The following GNA12 variants were observed in gnomAD, a reference collection of about 807,000 sequenced individuals.
GNA12 encodes the protein G protein subunit alpha 12, also known as guanine nucleotide-binding protein subunit alpha-12.
A neutral mutation model predicts 26.0 loss-of-function variants in GNA12; 9 were observed. That is an observed-to-expected ratio of 0.35 (90% CI 0.21 to 0.60). GNA12 has a LOEUF of 0.60. Among genes scored for constraint, GNA12 ranks in the 20% least tolerant of loss-of-function variants. The probability of loss-of-function intolerance (pLI) is 0.78; values close to 1 mark genes in which losing one functional copy is unlikely to be tolerated. For synonymous variants in GNA12, 264 were observed against 219.6 expected (o/e 1.20, Z -1.79); for missense variants, 405 against 525.8 (o/e 0.77, Z 2.25).
At chr7:2,821,602 C>T (rs906367691) in intron 1 of GNA12, among the ~76,000 whole-genome samples, 1 of 152,126 alleles carries the variant, frequency 6.6e-6, no homozygotes, top group African/African-American at 2.4e-5. Flanking sequence ...AAACGGTGTG[C>T]CCTATGGACA....
intron 2 of GNA12, chr7:2,762,853 G>A (rs534113116): frequency 3.2e-4 from 477 of 1,479,822 alleles, no homozygotes; most frequent in Non-Finnish European, 4.2e-4. Flanking sequence ...TCCGAAGCAG[G>A]AGAGGGCCAG....
intron 2 of GNA12, among the ~76,000 whole-genome samples, chr7:2,790,606 G>T (rs756779210): frequency 6.6e-6 from 1 of 151,934 alleles, no homozygotes; most frequent in Non-Finnish European, 1.5e-5. Flanking sequence ...ATTCAGGTCA[G>T]GATCCACACA....
chr7:2,762,830 C>T, intron 2 of GNA12: 1 of 1,508,174 alleles, frequency 6.6e-7, no homozygotes, highest in Non-Finnish European at 8.9e-7. Flanking sequence ...GCCACACACC[C>T]AGTCAGCGCG....
At chr7:2,826,300 C>A (rs1399869570) in intron 1 of GNA12, among the ~76,000 whole-genome samples, 1 of 150,112 alleles carries the variant, frequency 6.7e-6, no homozygotes, top group East Asian at 1.9e-4. Context: ...ATCACTTGAA[C>A]CTGGAAGCAG....
chr7:2,819,598 A>T (rs1193276757), intron 1 of GNA12, among the ~76,000 whole-genome samples: 5 of 152,176 alleles, frequency 3.3e-5, no homozygotes, highest in Non-Finnish European at 5.9e-5. Context: ...AATCCAAATT[A>T]AAAAAATGGG....
At chr7:2,842,064 A>G (rs56720927) in intron 1 of GNA12, among the ~76,000 whole-genome samples, 2 of 145,638 alleles carry the variant, frequency 1.4e-5, no homozygotes, top group Non-Finnish European at 3.0e-5. Context: ...AGGTAGAAAG[A>G]AAGGAAGAAA....
At chr7:2,793,604 G>A (rs1159042723) in intron 2 of GNA12, among the ~76,000 whole-genome samples, 1 of 151,990 alleles carries the variant, frequency 6.6e-6, no homozygotes, top group Non-Finnish European at 1.5e-5. Flanking sequence ...TGAATAGGGT[G>A]GGGCATGGTG....
intron 1 of GNA12, among the ~76,000 whole-genome samples, chr7:2,824,637 C>A (rs1007308468): frequency 8.5e-5 from 13 of 152,194 alleles, no homozygotes; most frequent in African/African-American, 3.1e-4. Context: ...ACTTGATATA[C>A]AGAAGGTGCT....
At position 2,788,152 on chromosome 7, in the gene GNA12, C is replaced by CAA. The variant is rs111308450; in HGVS notation, c.525+6774_525+6775dup. On this transcript the variant is annotated intron_variant, in intron 2 of 3. Transcript: ENST00000275364. ...CTGGGCAACAGGGCGAGACTGTCTC[C>CAA]AAAAAAAAAAACAAATGCCAGCAAA... Among the ~76,000 whole-genome samples, 623 of 141,618 alleles carry CAA rather than the reference C, an allele frequency of 4.4e-3. 3 individuals carry two copies. Among genetic ancestry groups the CAA allele is most frequent in the Admixed American group, 6.9e-3 (98 of 14,256 alleles). 92.9% of individuals were successfully genotyped at this position (141,618 alleles called of 152,430 possible).
chr7:2,830,498 G>C (rs1039709686), intron 1 of GNA12, among the ~76,000 whole-genome samples: 1 of 152,194 alleles, frequency 6.6e-6, no homozygotes, highest in African/African-American at 2.4e-5. Flanking sequence ...CTGTGGGGAG[G>C]GCGGCTCCCA....
chr7:2,786,985 G>A (rs1792378229), intron 2 of GNA12, among the ~76,000 whole-genome samples: 1 of 152,194 alleles, frequency 6.6e-6, no homozygotes, highest in African/African-American at 2.4e-5. Context: ...TGAACACGGG[G>A]TTCAGCTCTG....
At chr7:2,819,353 A>C (rs1436415784) in intron 1 of GNA12, among the ~76,000 whole-genome samples, 3 of 152,220 alleles carry the variant, frequency 2.0e-5, no homozygotes, top group Admixed American at 1.3e-4. Context: ...CATGACACTC[A>C]GGGCAACCAA....
chr7:2,791,926 C>T (rs1379966622), intron 2 of GNA12, among the ~76,000 whole-genome samples: 1 of 152,122 alleles, frequency 6.6e-6, no homozygotes, highest in African/African-American at 2.4e-5. Flanking sequence ...ATGCACCCAC[C>T]ACCCAATAAA....
At chr7:2,742,676 T>G (rs1436554285) in intron 2 of GNA12, among the ~76,000 whole-genome samples, 2 of 152,052 alleles carry the variant, frequency 1.3e-5, no homozygotes, top group Non-Finnish European at 2.9e-5. Flanking sequence ...ACCTGCAGAG[T>G]TTTGATTTTG....
At chr7:2,738,410 C>G (rs1043571176) in intron 2 of GNA12, among the ~76,000 whole-genome samples, 1 of 152,170 alleles carries the variant, frequency 6.6e-6, no homozygotes, top group Admixed American at 6.5e-5. Context: ...TCCACGCAGT[C>G]AGGGGCTACG....
intron 1 of GNA12, among the ~76,000 whole-genome samples, chr7:2,816,251 A>G (rs1222375062): frequency 1.4e-5 from 1 of 69,224 alleles, no homozygotes; most frequent in Admixed American, 1.6e-4. Context: ...TTTTTTTTTG[A>G]GATAGTCTTG....
rs1791848118 is a variant in GNA12 at position 2,767,943 on chromosome 7, C to A, written c.525+26985G>T. On this transcript the variant is annotated intron_variant, in intron 2 of 3. Transcript: ENST00000275364. ...AATCTCGGCTCACTGCAACCTCCGC[C>A]TCCTGGGTTCAAGCAATTCTCCTGT... Among the ~76,000 whole-genome samples the A allele has an allele frequency of 2.0e-5, 3 of 152,352 alleles. No individual in the cohort carries two copies. In the South Asian group the frequency reaches 6.2e-4, roughly 32 times the overall value.
chr7:2,808,785 A>G (rs1394533843), intron 1 of GNA12, among the ~76,000 whole-genome samples: 2 of 152,138 alleles, frequency 1.3e-5, no homozygotes, highest in Non-Finnish European at 2.9e-5. Flanking sequence ...CTACTGTCAA[A>G]ACCAGTGGTC....
chr7:2,827,462 G>C (rs568090860), intron 1 of GNA12, among the ~76,000 whole-genome samples: 1 of 152,318 alleles, frequency 6.6e-6, no homozygotes, highest in African/African-American at 2.4e-5. Flanking sequence ...AGCTGGTCAG[G>C]TGAAGTCTGT....
Sources: allele counts gnomAD v4.1 joint callset (sites outside exome capture counted in the v4.1 genomes callset), GRCh38; gene constraint gnomAD v4.1.1; transcripts MANE v1.5; gene names NCBI Gene and HGNC (gene_info 2026-07-23, HGNC 2026-07-21).